ZC3H12B: variants seen among roughly 807,000 people sequenced by gnomAD.
ZC3H12B encodes the protein zinc finger CCCH-type containing 12B, also known as probable ribonuclease ZC3H12B.
A neutral mutation model predicts 43.9 loss-of-function variants in ZC3H12B; 7 were observed. The ratio of observed to expected loss-of-function variants is 0.16; its 90% confidence interval spans 0.09 to 0.30. ZC3H12B has a LOEUF of 0.30. Among genes scored for constraint, ZC3H12B ranks in the 10% least tolerant of loss-of-function variants. The pLI, the probability that ZC3H12B is intolerant of heterozygous loss-of-function variation, is 1.00. For synonymous variants in ZC3H12B, 222 were observed against 241.7 expected (o/e 0.92, Z 0.76); for missense variants, 475 against 670.2 (o/e 0.71, Z 3.22).
chrX:65,465,443 T>G (rs2067805266), intron 3 of ZC3H12B, among the ~76,000 whole-genome samples: 2 of 111,491 alleles, frequency 1.8e-5, no homozygotes, highest in Non-Finnish European at 3.8e-5. Flanking sequence ...TGCTACTGTT[T>G]GCATGGCATA....
chrX:65,177,648 C>G, the ZC3H12B span, among the ~76,000 whole-genome samples: 1 of 111,480 alleles, frequency 9.0e-6, no homozygotes, highest in African/African-American at 3.3e-5. Context: ...GACAAATAGC[C>G]AAATCATGAG....
chrX:65,097,010 C>T, the ZC3H12B span, among the ~76,000 whole-genome samples: 1 of 111,543 alleles, frequency 9.0e-6, no homozygotes, highest in African/African-American at 3.3e-5. Flanking sequence ...ATGCATCCTA[C>T]TAGCCATCCA....
the ZC3H12B span, among the ~76,000 whole-genome samples, chrX:65,043,035 A>T: frequency 3.6e-5 from 4 of 111,675 alleles, no homozygotes; most frequent in Non-Finnish European, 7.5e-5. Flanking sequence ...ATCAGAAGAG[A>T]CTCAATATCT....
At chrX:65,111,156 C>T in the ZC3H12B span, among the ~76,000 whole-genome samples, 16 of 110,925 alleles carry the variant, frequency 1.4e-4, no homozygotes, top group South Asian at 7.6e-4. Flanking sequence ...TCTACATAGA[C>T]GGTATATCAT....
At chrX:65,118,181 T>G in the ZC3H12B span, among the ~76,000 whole-genome samples, 2 of 112,074 alleles carry the variant, frequency 1.8e-5, no homozygotes, top group East Asian at 5.6e-4. Flanking sequence ...ATATTGATTC[T>G]TCCTAAACAG....
chrX:65,285,351 G>T, the ZC3H12B span, among the ~76,000 whole-genome samples: 1 of 110,308 alleles, frequency 9.1e-6, no homozygotes, highest in Non-Finnish European at 1.9e-5. Context: ...ATTCAGATAC[G>T]GGAGCCTCAG....
chrX:65,472,977 T>TAC (rs1491540985), intron 3 of ZC3H12B, among the ~76,000 whole-genome samples: 6 of 66,337 alleles, frequency 9.0e-5, no homozygotes, highest in African/African-American at 6.9e-4. Flanking sequence ...TATGTGTGTG[T>TAC]ATATATATAT....
chrX:65,084,611 A>G, the ZC3H12B span, among the ~76,000 whole-genome samples: 1 of 112,546 alleles, frequency 8.9e-6, no homozygotes, highest in African/African-American at 3.2e-5. Context: ...AGAATAACTA[A>G]TGGTCGTGAG....
chrX:65,211,470 T>C, the ZC3H12B span, among the ~76,000 whole-genome samples: 1 of 106,930 alleles, frequency 9.4e-6, no homozygotes, highest in African/African-American at 3.4e-5. Context: ...ATATGCATTA[T>C]ATTGTTTAAT....
chrX:65,054,297 G>A, the ZC3H12B span, among the ~76,000 whole-genome samples: 2 of 111,740 alleles, frequency 1.8e-5, no homozygotes, highest in South Asian at 7.5e-4. Context: ...AAGGTGTAAG[G>A]AAGGGATCCA....
At chrX:65,211,088 G>GAA in the ZC3H12B span, among the ~76,000 whole-genome samples, 11,701 of 63,229 alleles carry the variant, frequency 0.19, 3,004 homozygotes, top group African/African-American at 0.61. Flanking sequence ...AAAAAAGAAA[G>GAA]AAAAAAAAAA....
chrX:65,130,371 A>G, the ZC3H12B span, among the ~76,000 whole-genome samples: 2 of 110,927 alleles, frequency 1.8e-5, no homozygotes, highest in Non-Finnish European at 3.8e-5. Flanking sequence ...GACTGTGGTG[A>G]CCTTTTTAGA....
chrX:65,083,482 G>T, the ZC3H12B span, among the ~76,000 whole-genome samples: 4 of 111,598 alleles, frequency 3.6e-5, no homozygotes, highest in Non-Finnish European at 7.5e-5. Flanking sequence ...ATCTGAAAAA[G>T]AAATTGAAAG....
the ZC3H12B span, among the ~76,000 whole-genome samples, chrX:65,254,490 T>A: frequency 1.8e-5 from 2 of 112,365 alleles, no homozygotes; most frequent in Non-Finnish European, 3.8e-5. Context: ...GCCAGTCGAC[T>A]GAACCCATCT....
the ZC3H12B span, among the ~76,000 whole-genome samples, chrX:65,056,993 A>G: frequency 3.6e-5 from 4 of 111,481 alleles, no homozygotes; most frequent in Non-Finnish European, 7.5e-5. Context: ...TGCATGTGAG[A>G]TGGGTCTCCT....
chrX:65,203,595 G>C, the ZC3H12B span, among the ~76,000 whole-genome samples: 10 of 109,561 alleles, frequency 9.1e-5, no homozygotes, highest in African/African-American at 3.3e-4. Flanking sequence ...AGCTGAGCTG[G>C]TATCCAAGTT....
the ZC3H12B span, among the ~76,000 whole-genome samples, chrX:65,318,544 C>T: frequency 9.1e-6 from 1 of 109,563 alleles, no homozygotes; most frequent in South Asian, 3.9e-4. Flanking sequence ...CTCAGCCTCC[C>T]AAGTAGCTAG....
chrX:65,207,396 C>T, the ZC3H12B span, among the ~76,000 whole-genome samples: 2 of 110,290 alleles, frequency 1.8e-5, no homozygotes, highest in South Asian at 7.7e-4. Flanking sequence ...GAAAACCAAA[C>T]ATCATATGTT....
the ZC3H12B span, among the ~76,000 whole-genome samples, chrX:65,344,010 A>G: frequency 8.9e-6 from 1 of 112,352 alleles, no homozygotes; most frequent in Admixed American, 9.4e-5. Context: ...GATGTAAAAA[A>G]TAACTAGAAT....
Sources: gnomAD v4.1 joint callset for allele counts (sites outside exome capture counted in the v4.1 genomes callset) on GRCh38, gnomAD v4.1.1 for gene constraint, MANE v1.5 for transcripts, NCBI Gene and HGNC (gene_info 2026-07-23, HGNC 2026-07-21) for gene names.